LOC128462377: variants seen among roughly 807,000 people sequenced by gnomAD.
the LOC128462377 span, among the ~76,000 whole-genome samples, chr16:89,349,861 AACAC>A: frequency 0.11 from 14,960 of 132,898 alleles, 842 homozygotes; most frequent in South Asian, 0.15. Context: ...TACTTGTTAA[AACAC>A]ACACACACAC....
the LOC128462377 span, among the ~76,000 whole-genome samples, chr16:89,377,127 C>G: frequency 6.6e-6 from 1 of 152,200 alleles, no homozygotes. Flanking sequence ...TCCCCCAGAA[C>G]CCCGTGAGTT....
At chr16:89,384,520 G>A in the LOC128462377 span, among the ~76,000 whole-genome samples, 2 of 143,122 alleles carry the variant, frequency 1.4e-5, no homozygotes, top group African/African-American at 2.7e-5. Flanking sequence ...GGACGACATG[G>A]AACAGGATGG....
chr16:89,386,287 A>T, the LOC128462377 span, among the ~76,000 whole-genome samples: 39 of 151,466 alleles, frequency 2.6e-4, no homozygotes, highest in African/African-American at 8.9e-4. Flanking sequence ...TTTTTTTTTT[A>T]AAGCTTGATT....
chr16:89,353,250 G>T, the LOC128462377 span, among the ~76,000 whole-genome samples: 1 of 151,814 alleles, frequency 6.6e-6, no homozygotes, highest in Non-Finnish European at 1.5e-5. Context: ...GCTGAGGCAG[G>T]AGAATTGCTT....
chr16:89,352,044 A>C, the LOC128462377 span, among the ~76,000 whole-genome samples: 147 of 152,268 alleles, frequency 9.7e-4, 1 homozygote, highest in Admixed American at 2.3e-3. Context: ...AATGACAGGC[A>C]CAAGCCACCA....
the LOC128462377 span, among the ~76,000 whole-genome samples, chr16:89,387,692 G>GAAAAA: frequency 1.5e-5 from 1 of 67,510 alleles, no homozygotes; most frequent in African/African-American, 5.3e-5. Flanking sequence ...AAAAGAAAAA[G>GAAAAA]AAAAAAAAAA....
the LOC128462377 span, among the ~76,000 whole-genome samples, chr16:89,355,419 C>T: frequency 3.3e-5 from 5 of 152,322 alleles, no homozygotes; most frequent in African/African-American, 1.2e-4. Flanking sequence ...GTACCATAAA[C>T]TTTTCATCAG....
chr16:89,362,800 G>GT, the LOC128462377 span, among the ~76,000 whole-genome samples: 1 of 152,016 alleles, frequency 6.6e-6, no homozygotes, highest in Non-Finnish European at 1.5e-5. Context: ...AGTTGAAGGT[G>GT]TTTTTACCTT....
At chr16:89,361,721 C>G in the LOC128462377 span, 1 of 152,222 alleles carries the variant, frequency 6.6e-6, no homozygotes, top group African/African-American at 2.4e-5. Context: ...CCAGAAATAT[C>G]ACTTTCAAGC....
the LOC128462377 span, among the ~76,000 whole-genome samples, chr16:89,371,728 C>T: frequency 2.0e-5 from 3 of 152,242 alleles, no homozygotes; most frequent in South Asian, 6.2e-4. Flanking sequence ...GTGTGGAGGG[C>T]GATGCGGACT....
chr16:89,410,202 C>T, the LOC128462377 span, among the ~76,000 whole-genome samples: 2 of 152,162 alleles, frequency 1.3e-5, no homozygotes, highest in African/African-American at 4.8e-5. Context: ...ACGGAGCAGG[C>T]ACCTCACAGA....
At chr16:89,377,431 C>G in the LOC128462377 span, among the ~76,000 whole-genome samples, 1 of 151,030 alleles carries the variant, frequency 6.6e-6, no homozygotes, top group East Asian at 1.9e-4. Flanking sequence ...GGGTTTACAA[C>G]AGCCAATCAA....
chr16:89,379,256 C>A, the LOC128462377 span, among the ~76,000 whole-genome samples: 1 of 152,202 alleles, frequency 6.6e-6, no homozygotes, highest in Non-Finnish European at 1.5e-5. Flanking sequence ...CTTTTTTAAT[C>A]CTATCTTGAA....
At chr16:89,412,741 T>C in the LOC128462377 span, among the ~76,000 whole-genome samples, 3 of 151,872 alleles carry the variant, frequency 2.0e-5, no homozygotes, top group Admixed American at 1.3e-4. Context: ...CTGTAAAAAA[T>C]GATGGTATTA....
At chr16:89,352,218 C>T in the LOC128462377 span, among the ~76,000 whole-genome samples, 3 of 152,188 alleles carry the variant, frequency 2.0e-5, no homozygotes, top group African/African-American at 7.2e-5. Context: ...GCATGAGACA[C>T]GTTTCCCTAG....
chr16:89,368,379 T>TTTG, the LOC128462377 span, among the ~76,000 whole-genome samples: 1 of 130,096 alleles, frequency 7.7e-6, no homozygotes, highest in African/African-American at 3.1e-5. Context: ...GTGTTTTTTT[T>TTTG]TTTTTTTTTT....
the LOC128462377 span, among the ~76,000 whole-genome samples, chr16:89,409,100 G>C: frequency 8.3e-4 from 126 of 152,310 alleles, 1 homozygote; most frequent in African/African-American, 3.0e-3. Flanking sequence ...TGGGGGCCCA[G>C]GCCAGTGAGC....
chr16:89,348,466 T>C, the LOC128462377 span, among the ~76,000 whole-genome samples: 4 of 152,206 alleles, frequency 2.6e-5, no homozygotes, highest in East Asian at 1.9e-4. Context: ...CCCTGACTCA[T>C]AGAAAGACTG....
the LOC128462377 span, among the ~76,000 whole-genome samples, chr16:89,358,052 C>A: frequency 6.6e-6 from 1 of 152,220 alleles, no homozygotes; most frequent in Non-Finnish European, 1.5e-5. Flanking sequence ...CTGCTTTGAA[C>A]AATGGAGGAA....
Sources: gnomAD v4.1 joint callset for allele counts (sites outside exome capture counted in the v4.1 genomes callset) on GRCh38, gnomAD v4.1.1 for gene constraint, MANE v1.5 for transcripts.